CNTN4: variants seen among roughly 807,000 people sequenced by gnomAD.
The protein encoded by CNTN4 is contactin-4.
A neutral mutation model predicts 122.5 loss-of-function variants in CNTN4; 77 were observed. The observed-to-expected ratio is 0.63, with a 90% confidence interval of 0.52 to 0.76. CNTN4 has a LOEUF of 0.76. Ranked by LOEUF, CNTN4 falls within the 30% of genes least tolerant of loss-of-function variation. The pLI is 0.00. For missense variants in CNTN4, 1,256 were observed against 1,259.1 expected, an observed-to-expected ratio of 1.00 and a Z score of 0.04; for synonymous variants, 512 against 447.0, an observed-to-expected ratio of 1.15 and a Z score of -1.83.
chr3:2,369,843 C>T (rs1319585071), intron 3 of CNTN4, among the ~76,000 whole-genome samples: 4 of 152,052 alleles, frequency 2.6e-5, no homozygotes, highest in Non-Finnish European at 5.9e-5. Context: ...TTCTTTTATC[C>T]ACCCTGATAG....
rs147958959 is a variant in CNTN4, at chr3:2,254,717, G to A, written c.-144-84461G>A. 4.2e-3 allele frequency among the ~76,000 whole-genome samples: 634 copies of A among 152,200 alleles called. 3 individuals are homozygous for A. The highest frequency in any genetic ancestry group is 6.8e-3 in the Non-Finnish European group (462 of 67,996). On this transcript the variant is annotated intron_variant, in intron 2 of 24. Coordinates refer to ENST00000418658, the MANE Select transcript of CNTN4 (RefSeq NM_175607.3). ...TGAGAAGTGTCTGTTCATATCATTT[G>A]CCCACTTTTTGATGGGGTTGTTTTT... is the stretch of plus-strand genomic sequence containing the variant.
chr3:2,134,283 T>C (rs1237974842), intron 2 of CNTN4, among the ~76,000 whole-genome samples: 1 of 152,228 alleles, frequency 6.6e-6, no homozygotes, highest in Non-Finnish European at 1.5e-5. Flanking sequence ...ATGAGGTTTA[T>C]TAAATCAGAA....
chr3:2,754,848 G>A (rs1329524984), intron 6 of CNTN4, among the ~76,000 whole-genome samples: 1 of 151,980 alleles, frequency 6.6e-6, no homozygotes, highest in Non-Finnish European at 1.5e-5. Context: ...CAGTTAAGTG[G>A]CAAACATTTT....
chr3:2,110,749 G>GTTA (rs72567140), intron 2 of CNTN4: 2 of 151,858 alleles, frequency 1.3e-5, no homozygotes, highest in Admixed American at 6.6e-5. Flanking sequence ...GGTTGTTGTT[G>GTTA]TGAGAGAGTA....
At chr3:2,249,392 A>C (rs1040723745) in intron 2 of CNTN4, among the ~76,000 whole-genome samples, 1 of 152,000 alleles carries the variant, frequency 6.6e-6, no homozygotes, top group South Asian at 2.1e-4. Flanking sequence ...CTGAAATAGG[A>C]TAATACACCA....
chr3:2,498,847 T>C (rs375618754), intron 3 of CNTN4, among the ~76,000 whole-genome samples: 21 of 152,098 alleles, frequency 1.4e-4, no homozygotes, highest in East Asian at 7.8e-4. Context: ...AGGAGTGCAG[T>C]GGTGTGATCT....
intron 2 of CNTN4, among the ~76,000 whole-genome samples, chr3:2,192,814 C>A (rs897693376): frequency 1.3e-5 from 2 of 152,056 alleles, no homozygotes; most frequent in African/African-American, 4.8e-5. Flanking sequence ...CTATTAGCTC[C>A]CCACTATTTA....
intron 12 of CNTN4, 149 bp downstream of exon 12, chr3:2,903,154 C>T (rs1321795361): frequency 2.6e-5 from 19 of 742,358 alleles, no homozygotes; most frequent in Admixed American, 7.8e-5. Flanking sequence ...AAGTAATAAG[C>T]AAGTCTATAA....
rs540812668 is a variant in CNTN4, at chr3:2,168,520, A to G, written c.-145+67881A>G. ...TAAATATGAAAGATTGAAATTAAGT[A>G]ATCTAAACATTTAACTCGAGAGGCT... On this transcript the variant is annotated intron_variant, in intron 2 of 24. Coordinates refer to ENST00000418658, the MANE Select transcript of CNTN4 (RefSeq NM_175607.3). Among the ~76,000 whole-genome samples the G allele has an allele frequency of 5.1e-4, 78 of 152,274 alleles. 1 individual carries two copies. Among genetic ancestry groups the G allele is most frequent in the African/African-American group, 1.8e-3 (76 of 41,578 alleles).
intron 13 of CNTN4, among the ~76,000 whole-genome samples, chr3:2,956,530 A>G (rs1482470584): frequency 6.6e-6 from 1 of 152,156 alleles, no homozygotes; most frequent in Non-Finnish European, 1.5e-5. Context: ...ATATACTCCC[A>G]TCTAAGTTAA....
chr3:2,642,520 T>C (rs1285698121), intron 4 of CNTN4, among the ~76,000 whole-genome samples: 1 of 152,212 alleles, frequency 6.6e-6, no homozygotes, highest in African/African-American at 2.4e-5. Context: ...ATATAGACTA[T>C]CTCACATCTT....
At chr3:2,572,061 A>G (rs957431626) in intron 4 of CNTN4, among the ~76,000 whole-genome samples, 4 of 152,036 alleles carry the variant, frequency 2.6e-5, no homozygotes, top group Non-Finnish European at 5.9e-5. Flanking sequence ...TTTACCATAT[A>G]CTCATGGCCA....
chr3:2,391,914 C>T (rs890931233), intron 3 of CNTN4, among the ~76,000 whole-genome samples: 1 of 152,136 alleles, frequency 6.6e-6, no homozygotes, highest in Non-Finnish European at 1.5e-5. Context: ...GGCTTCCAGT[C>T]TACTCTTTAA....
rs1358188058 is a variant in CNTN4, at chr3:2,458,454, A to G, written c.-88-112962A>G. Among the ~76,000 whole-genome samples the G allele has an allele frequency of 3.3e-5, 5 of 152,160 alleles. No individual in the cohort carries two copies. The South Asian group carries it at 6.2e-4, about 19-fold the overall frequency. ...TTTGTTAGAATGGAAATCTCTAATG[A>G]TCAGATATGTATAATTGAGTTTTCA... On this transcript the variant is annotated intron_variant, in intron 3 of 24. Coordinates refer to ENST00000418658, the MANE Select transcript of CNTN4 (RefSeq NM_175607.3).
intron 4 of CNTN4, among the ~76,000 whole-genome samples, chr3:2,673,830 C>G (rs2084679457): frequency 6.6e-6 from 1 of 152,170 alleles, no homozygotes; most frequent in Non-Finnish European, 1.5e-5. Context: ...GTGCGAGTCG[C>G]TGCGCCCGGC....
chr3:2,120,395 A>T (rs1324358313), intron 2 of CNTN4, among the ~76,000 whole-genome samples: 1 of 30,646 alleles, frequency 3.3e-5, no homozygotes, highest in Non-Finnish European at 7.5e-5. Context: ...ATATATATAT[A>T]TATATATATA....
intron 6 of CNTN4, among the ~76,000 whole-genome samples, chr3:2,771,595 T>G (rs2149775580): frequency 6.6e-6 from 1 of 152,268 alleles, no homozygotes; most frequent in East Asian, 1.9e-4. Context: ...CAAAGTATGT[T>G]GACATATTTT....
At chr3:2,817,093 A>G (rs1402109467) in intron 6 of CNTN4, among the ~76,000 whole-genome samples, 1 of 152,236 alleles carries the variant, frequency 6.6e-6, no homozygotes, top group Non-Finnish European at 1.5e-5. Context: ...TTCCCTAAAC[A>G]TGTGCATAAG....
intron 4 of CNTN4, among the ~76,000 whole-genome samples, chr3:2,713,745 G>A (rs2087299136): frequency 6.6e-6 from 1 of 152,178 alleles, no homozygotes; most frequent in Non-Finnish European, 1.5e-5. Flanking sequence ...AAATGAGAAT[G>A]TTGAGAGATA....
Sources: allele counts gnomAD v4.1 joint callset (sites outside exome capture counted in the v4.1 genomes callset), GRCh38; gene constraint gnomAD v4.1.1; transcripts MANE v1.5; gene names NCBI Gene and HGNC (gene_info 2026-07-23, HGNC 2026-07-21).